UGGT2: variants seen among roughly 807,000 people sequenced by gnomAD.
The protein encoded by UGGT2 is UDP-glucose:glycoprotein glucosyltransferase 2.
UGGT2 carries 180 observed loss-of-function variants against 192.1 expected under a neutral mutation model. That is an observed-to-expected ratio of 0.94 (90% confidence interval 0.83 to 1.06). UGGT2 has a LOEUF of 1.06. UGGT2 is among the 50% of genes least tolerant of loss of function. The probability of loss-of-function intolerance (pLI) is 0.00; values close to 1 mark genes in which losing one functional copy is unlikely to be tolerated. For missense variants in UGGT2, 1,849 were observed against 1,795.7 expected (o/e 1.03, Z -0.54); for synonymous variants, 580 against 591.0 (o/e 0.98, Z 0.27).
At chr13:96,040,215 AACTT>A (rs2053125114) in intron 1 of UGGT2, among the ~76,000 whole-genome samples, 1 of 152,200 alleles carries the variant, frequency 6.6e-6, no homozygotes, top group African/African-American at 2.4e-5. Flanking sequence ...TTAAAACAGA[AACTT>A]ATTCTCTCAC....
chr13:95,870,404 C>T (rs1443366042), intron 29 of UGGT2, among the ~76,000 whole-genome samples: 2 of 152,122 alleles, frequency 1.3e-5, no homozygotes, highest in Admixed American at 1.3e-4. Flanking sequence ...TAGAAGTGAG[C>T]GGGGCAATGT....
At chr13:95,942,187 A>C (rs899131651) in intron 15 of UGGT2, among the ~76,000 whole-genome samples, 1 of 149,700 alleles carries the variant, frequency 6.7e-6, no homozygotes, top group African/African-American at 2.5e-5. Flanking sequence ...ATAGCCTCCT[A>C]AGGTGCAGGT....
intron 24 of UGGT2, 62 bp downstream of exon 24, chr13:95,894,500 C>G: frequency 3.0e-6 from 4 of 1,344,400 alleles, no homozygotes; most frequent in Non-Finnish European, 4.2e-6. Context: ...GTTATGAAAA[C>G]AAATGGAAAT....
rs2050098327 is a variant in UGGT2, at chr13:95,952,527, T to C, written c.1336-3073A>G. On this transcript the variant is annotated intron_variant, in intron 12 of 38. Coordinates refer to ENST00000376747, the MANE Select transcript of UGGT2 (RefSeq NM_020121.4). ...GTAAATGCTATGTAAATAGTTGTTA[T>C]ATTGTTTTAAAATTTGTATTTTTTT... Among the ~76,000 whole-genome samples the C allele has an allele frequency of 2.0e-5, 3 of 152,258 alleles. 1 individual carries two copies. The South Asian group carries it at 6.2e-4, about 31-fold the overall frequency.
At chr13:95,926,433 T>C (rs552275833) in intron 19 of UGGT2, among the ~76,000 whole-genome samples, 13 of 152,290 alleles carry the variant, frequency 8.5e-5, no homozygotes, top group African/African-American at 2.9e-4. Flanking sequence ...CCTTCTTTAA[T>C]CTTTTACTCA....
chr13:95,825,694 TCTCCAAGACC>T (rs1885968581), intron 38 of UGGT2, among the ~76,000 whole-genome samples: 1 of 152,118 alleles, frequency 6.6e-6, no homozygotes, highest in Non-Finnish European at 1.5e-5. Context: ...GGAAAGGTCT[TCTCCAAGACC>T]CTCCAAGAGC....
Position 95,999,251 on chromosome 13 carries a change from CT to C in UGGT2, c.716del (p.Lys239ArgfsTer16). 6.2e-7 allele frequency: 1 copy of C among 1,613,656 alleles called. No homozygotes were observed. Among genetic ancestry groups the C allele is most frequent in the Non-Finnish European group, 8.5e-7 (1 of 1,179,738 alleles). Reference sequence around the variant, plus strand: ...CATCCAGTGCTTTGTATTCTGTACTCTTAATTGCTAGCTCCACACCATACCC... The same window carrying C: ...CATCCAGTGCTTTGTATTCTGTACTCTAATTGCTAGCTCCACACCATACCC... ...LSGYGVELAI[K>X]STEYKALDDT... On this transcript the variant is annotated frameshift_variant, in exon 6 of 39. Transcript: ENST00000376747. LOFTEE classifies it high-confidence loss of function.
At chr13:95,902,418 A>G (rs1428141884) in intron 21 of UGGT2, among the ~76,000 whole-genome samples, 1 of 151,998 alleles carries the variant, frequency 6.6e-6, no homozygotes, top group Admixed American at 6.6e-5. Flanking sequence ...AGGGACAGGG[A>G]CTCTATCTGC....
At chr13:95,926,003 T>C (rs1017322774) in intron 19 of UGGT2, among the ~76,000 whole-genome samples, 3 of 152,070 alleles carry the variant, frequency 2.0e-5, no homozygotes, top group Non-Finnish European at 4.4e-5. Flanking sequence ...TAATTCATTA[T>C]ACAAGCTTAT....
In UGGT2 at chr13:95,944,011, T is replaced by C. The variant is rs534318289; in HGVS notation, c.1677+3026A>G. On this transcript the variant is annotated intron_variant, in intron 15 of 38. Transcript: ENST00000376747. ...AATTTTTTCAAATGTTTCTTGTGCA[T>C]ATTCTTGAATAATATATTAACATGG... Among the ~76,000 whole-genome samples, 3 of 152,158 alleles carry C rather than the reference T, an allele frequency of 2.0e-5. No individual in the cohort carries two copies. In the South Asian group the frequency reaches 6.2e-4, roughly 32 times the overall value.
In UGGT2 at chr13:95,895,283, C is replaced by A; in HGVS notation, c.2656G>T (p.Asp886Tyr). Residue 886 changes from aspartate to tyrosine, a missense_variant, in exon 23 of 39, where the codon GAT becomes TAT. Asp to Tyr is a radical substitution (Grantham distance 160, BLOSUM62 -3). Coordinates refer to ENST00000376747, the MANE Select transcript of UGGT2 (RefSeq NM_020121.4). ...NGRFLGPLDE[D>Y]FYAEDFYLLE... ...AAGTAAAAATCTTCTGCATAAAAAT[C>A]TTCATCTAAAGGTCCTAAGAACTTA... The A allele has an allele frequency of 6.6e-7, 1 of 1,505,408 alleles. No individual in the cohort carries two copies. Among genetic ancestry groups the A allele is most frequent in the Admixed American group, 2.0e-5 (1 of 49,638 alleles). The allele number at this position is 1,505,408 out of a possible 1,614,324, so 93.3% of individuals were successfully genotyped here.
chr13:95,827,647 A>G (rs1886180976), intron 38 of UGGT2, among the ~76,000 whole-genome samples: 1 of 152,160 alleles, frequency 6.6e-6, no homozygotes, highest in Non-Finnish European at 1.5e-5. Context: ...AGAGAAATGT[A>G]AATTATAAAA....
chr13:95,907,029 C>T (rs2048313839), intron 20 of UGGT2, among the ~76,000 whole-genome samples: 2 of 152,198 alleles, frequency 1.3e-5, no homozygotes, highest in East Asian at 1.9e-4. Context: ...TGACAGACTA[C>T]CTGGAAAAAT....
At chr13:95,904,977 T>C (rs2048236561) in intron 20 of UGGT2, among the ~76,000 whole-genome samples, 1 of 151,960 alleles carries the variant, frequency 6.6e-6, no homozygotes. Context: ...GACTTTTTAA[T>C]GATCGCCATT....
intron 38 of UGGT2, among the ~76,000 whole-genome samples, chr13:95,812,474 A>G (rs1884632648): frequency 6.6e-6 from 1 of 152,232 alleles, no homozygotes; most frequent in Non-Finnish European, 1.5e-5. Context: ...GATAAAAAAT[A>G]CACTATGCAA....
At chr13:95,938,929 C>T (rs1384455629) in intron 16 of UGGT2, among the ~76,000 whole-genome samples, 1 of 151,998 alleles carries the variant, frequency 6.6e-6, no homozygotes, top group African/African-American at 2.4e-5. Context: ...ACACCTACTC[C>T]TCCCCACCAA....
At chr13:95,973,313 A>G (rs1162119873) in intron 10 of UGGT2, among the ~76,000 whole-genome samples, 1 of 152,204 alleles carries the variant, frequency 6.6e-6, no homozygotes, top group Non-Finnish European at 1.5e-5. Context: ...CTTAAGATAG[A>G]TTAGAGATAA....
intron 38 of UGGT2, 57 bp downstream of exon 38, chr13:95,832,870 T>G: frequency 5.0e-6 from 8 of 1,595,544 alleles, no homozygotes; most frequent in Middle Eastern, 1.7e-4. Flanking sequence ...CTGTAGTCTA[T>G]TCTAATCTCA....
chr13:95,867,953 T>C (rs1325233870), intron 29 of UGGT2, among the ~76,000 whole-genome samples: 4 of 152,206 alleles, frequency 2.6e-5, no homozygotes, highest in Non-Finnish European at 5.9e-5. Context: ...TTTTGTATTA[T>C]GTATAATGCA....
Sources: allele counts gnomAD v4.1 joint callset (sites outside exome capture counted in the v4.1 genomes callset), GRCh38; gene constraint gnomAD v4.1.1; transcripts MANE v1.5; gene names NCBI Gene and HGNC (gene_info 2026-07-23, HGNC 2026-07-21).